PRR16: variants seen among roughly 807,000 people sequenced by gnomAD.
PRR16 encodes the protein proline rich 16, also known as protein Largen.
A neutral mutation model predicts 18.2 loss-of-function variants in PRR16; 6 were observed. The observed-to-expected ratio is 0.33, with a 90% CI of 0.18 to 0.65. The LOEUF is 0.65. PRR16 is among the 30% of genes least tolerant of loss of function. The pLI, the probability that PRR16 is intolerant of heterozygous loss-of-function variation, is 0.74. For synonymous variants in PRR16, 151 were observed against 147.8 expected (o/e 1.02, Z -0.16); for missense variants, 412 against 376.6 (o/e 1.09, Z -0.78).
At chr5:120,665,506 A>C (rs999441907) in intron 1 of PRR16, among the ~76,000 whole-genome samples, 6 of 151,898 alleles carry the variant, frequency 4.0e-5, no homozygotes, top group Admixed American at 2.6e-4. Flanking sequence ...TGTTGCTTTT[A>C]GTGTTTTAGA....
At chr5:120,664,643 T>G (rs947062863) in intron 1 of PRR16, among the ~76,000 whole-genome samples, 1 of 151,972 alleles carries the variant, frequency 6.6e-6, no homozygotes, top group East Asian at 1.9e-4. Flanking sequence ...GAGTGTGATG[T>G]TCCCCTTCCT....
Position 120,556,233 on chromosome 5 carries a change from G to GTTTT in PRR16, c.159+91604_159+91607dup, listed in dbSNP as rs34053155. On this transcript the variant is annotated intron_variant, in intron 1 of 1. Transcript: ENST00000407149. The stretch of plus-strand genomic sequence containing the variant: ...CATTTCTACCAGGGTCAATTTCATT[G>GTTTT]TTTTTTTTTTTTTTTTTTTGTACCA... Among the ~76,000 whole-genome samples, 181 of 121,704 alleles carry GTTTT rather than the reference G, an allele frequency of 1.5e-3. 2 individuals are homozygous for GTTTT. Among genetic ancestry groups the GTTTT allele is most frequent in the African/African-American group, 4.9e-3 (157 of 31,808 alleles). The allele number at this position is 121,704 out of a possible 152,430, so 79.8% of individuals were successfully genotyped here.
the PRR16 span, among the ~76,000 whole-genome samples, chr5:120,754,215 TTATAA>T: frequency 1.8e-5 from 1 of 56,628 alleles, no homozygotes; most frequent in African/African-American, 6.5e-5. Context: ...AAATTATATA[TTATAA>T]TATATAATAT....
At chr5:120,537,423 A>G (rs1751754873) in intron 1 of PRR16, among the ~76,000 whole-genome samples, 3 of 152,164 alleles carry the variant, frequency 2.0e-5, no homozygotes, top group Admixed American at 1.3e-4. Flanking sequence ...AAATTCCTCA[A>G]TTACTACAGT....
chr5:120,596,389 A>G (rs959504171), intron 1 of PRR16, among the ~76,000 whole-genome samples: 1 of 151,810 alleles, frequency 6.6e-6, no homozygotes, highest in African/African-American at 2.4e-5. Context: ...ATTATATTGA[A>G]AAACCTGAGG....
chr5:120,601,039 T>C (rs1434986824), intron 1 of PRR16, among the ~76,000 whole-genome samples: 1 of 151,942 alleles, frequency 6.6e-6, no homozygotes, highest in Admixed American at 6.6e-5. Flanking sequence ...AATATACAAC[T>C]GCATATGTCT....
intron 1 of PRR16, among the ~76,000 whole-genome samples, chr5:120,541,606 C>G (rs554259423): frequency 1.3e-5 from 2 of 152,328 alleles, no homozygotes; most frequent in East Asian, 1.9e-4. Context: ...TATTCAGCTA[C>G]AGCAGATTCG....
At chr5:120,470,031 T>G (rs1307771447) in intron 1 of PRR16, among the ~76,000 whole-genome samples, 1 of 152,188 alleles carries the variant, frequency 6.6e-6, no homozygotes, top group Non-Finnish European at 1.5e-5. Flanking sequence ...TCATCCTTGC[T>G]TCTCTGAGGA....
chr5:120,491,333 TA>T, intron 1 of PRR16, among the ~76,000 whole-genome samples: 1 of 152,330 alleles, frequency 6.6e-6, no homozygotes, highest in South Asian at 2.1e-4. Flanking sequence ...AAGTGCATTA[TA>T]AATACTATTT....
chr5:120,674,999 AT>A (rs1756746658), intron 1 of PRR16, among the ~76,000 whole-genome samples: 1 of 152,138 alleles, frequency 6.6e-6, no homozygotes, highest in Admixed American at 6.5e-5. Flanking sequence ...CTCTAAATAG[AT>A]TAATTAGACT....
intron 1 of PRR16, among the ~76,000 whole-genome samples, chr5:120,564,217 G>C (rs1311768875): frequency 6.6e-6 from 1 of 152,102 alleles, no homozygotes; most frequent in East Asian, 1.9e-4. Flanking sequence ...CTTCGGTTGG[G>C]GGAGGGGTGG....
At chr5:120,701,422 C>T in the PRR16 span, among the ~76,000 whole-genome samples, 16 of 152,092 alleles carry the variant, frequency 1.1e-4, no homozygotes, top group Non-Finnish European at 2.1e-4. Context: ...AGATCCTAAA[C>T]GCTATCCGAT....
Position 120,464,388 on chromosome 5 carries a change from G to C in PRR16, c.-99G>C, listed in dbSNP as rs1306780425. 39 of 1,357,026 alleles carry C rather than the reference G, an allele frequency of 2.9e-5. No individual in the cohort carries two copies. The highest frequency in any genetic ancestry group is 3.8e-5 in the Non-Finnish European group (39 of 1,022,846). 84.1% of individuals were successfully genotyped at this position (1,357,026 alleles called of 1,614,324 possible). A position where few individuals can be genotyped will look rare whatever the true frequency, so the allele number is the denominator to read the frequency against. On this transcript the variant is annotated 5_prime_UTR_variant, in exon 1 of 2. Coordinates refer to ENST00000407149, the MANE Select transcript of PRR16 (RefSeq NM_001300783.2). ...CCCAGGGAGCGCCCAAGATGTGGGG[G>C]GACCGGGGCGGCAGCGGCCGTAGCA...
the PRR16 span, among the ~76,000 whole-genome samples, chr5:120,693,111 TTATGA>T: frequency 6.6e-6 from 1 of 152,180 alleles, no homozygotes; most frequent in East Asian, 1.9e-4. Context: ...ATGATGTAAA[TTATGA>T]TATATGTATA....
At chr5:120,741,993 A>T in the PRR16 span, among the ~76,000 whole-genome samples, 4 of 151,898 alleles carry the variant, frequency 2.6e-5, no homozygotes, top group African/African-American at 9.7e-5. Context: ...TTGTTATTAA[A>T]TTTTTTCAAA....
chr5:120,508,105 T>C (rs963374427), intron 1 of PRR16, among the ~76,000 whole-genome samples: 1 of 152,102 alleles, frequency 6.6e-6, no homozygotes, highest in East Asian at 1.9e-4. Flanking sequence ...CTGGGAAAGC[T>C]TTTAAAGGGA....
At chr5:120,537,691 CA>C (rs1751764718) in intron 1 of PRR16, among the ~76,000 whole-genome samples, 1 of 149,696 alleles carries the variant, frequency 6.7e-6, no homozygotes, top group Non-Finnish European at 1.5e-5. Flanking sequence ...TTGGAGACAG[CA>C]AAAAATAAAT....
rs185856334 is a variant in PRR16, at chr5:120,575,687, A to G, written c.160-110267A>G. 3.1e-3 allele frequency among the ~76,000 whole-genome samples: 479 copies of G among 152,296 alleles called. 3 individuals are homozygous for G. The highest frequency in any genetic ancestry group is 4.4e-3 in the Admixed American group (68 of 15,288). On this transcript the variant is annotated intron_variant, in intron 1 of 1. Coordinates refer to ENST00000407149, the MANE Select transcript of PRR16 (RefSeq NM_001300783.2). ...CCATATAGACAAACACAGAGCTACC[A>G]TCATACGGAATGGGGAAAAGCTGAA... is the stretch of plus-strand genomic sequence containing the variant.
chr5:120,570,513 T>G (rs1477481112), intron 1 of PRR16, among the ~76,000 whole-genome samples: 4 of 152,092 alleles, frequency 2.6e-5, no homozygotes, highest in Non-Finnish European at 4.4e-5. Flanking sequence ...GAGTAATAGA[T>G]AAAACATTAC....
Sources: allele counts gnomAD v4.1 joint callset (sites outside exome capture counted in the v4.1 genomes callset), GRCh38; gene constraint gnomAD v4.1.1; transcripts MANE v1.5; gene names NCBI Gene and HGNC (gene_info 2026-07-23, HGNC 2026-07-21).